Variants in NVL observed in about 807,000 individuals in gnomAD.
NVL encodes the protein nuclear valosin-containing protein-like.
A neutral mutation model predicts 110.2 loss-of-function variants in NVL; 84 were observed. The observed-to-expected ratio is 0.76, with a 90% CI of 0.64 to 0.91. The LOEUF is 0.91. Among genes scored for constraint, NVL ranks in the 40% least tolerant of loss-of-function variants. The pLI, the probability that NVL is intolerant of heterozygous loss-of-function variation, is 0.00. For synonymous variants in NVL, 354 were observed against 361.1 expected, an observed-to-expected ratio of 0.98 and a Z score of 0.22; for missense variants, 882 against 1,035.9, an observed-to-expected ratio of 0.85 and a Z score of 2.04.
chr1:224,282,555 G>A (rs1234599310), intron 15 of NVL, among the ~76,000 whole-genome samples: 1 of 152,192 alleles, frequency 6.6e-6, no homozygotes, highest in Non-Finnish European at 1.5e-5. Context: ...ATGTGTAGAA[G>A]AGTCTAAGAA....
chr1:224,238,914 CT>C (rs1171505146), intron 19 of NVL, among the ~76,000 whole-genome samples: 1 of 152,184 alleles, frequency 6.6e-6, no homozygotes. Context: ...TGTATCACCC[CT>C]ATCCGGCTCC....
chr1:224,292,893 G>A (rs2102647224), intron 12 of NVL, among the ~76,000 whole-genome samples: 1 of 152,030 alleles, frequency 6.6e-6, no homozygotes, highest in African/African-American at 2.4e-5. Flanking sequence ...TGGGATTACA[G>A]GCATGCACCA....
intron 15 of NVL, among the ~76,000 whole-genome samples, chr1:224,281,474 A>G (rs1375435559): frequency 2.0e-5 from 3 of 151,078 alleles, no homozygotes; most frequent in Non-Finnish European, 3.0e-5. Flanking sequence ...CTAATTTTTT[A>G]TATTTTTAGT....
chr1:224,292,837 A>G (rs2102646980), intron 12 of NVL, among the ~76,000 whole-genome samples: 1 of 150,532 alleles, frequency 6.6e-6, no homozygotes, highest in East Asian at 2.0e-4. Flanking sequence ...TACAACCTCC[A>G]CTTCCCAGGT....
At chr1:224,295,705 C>T (rs1224314468) in intron 11 of NVL, among the ~76,000 whole-genome samples, 1 of 150,814 alleles carries the variant, frequency 6.6e-6, no homozygotes, top group East Asian at 2.0e-4. Context: ...CACCCAGGCA[C>T]AGTGGCTCAC....
intron 1 of NVL, among the ~76,000 whole-genome samples, chr1:224,327,273 T>A (rs1671237883): frequency 6.6e-6 from 1 of 152,014 alleles, no homozygotes; most frequent in Non-Finnish European, 1.5e-5. Flanking sequence ...TAAGATCTCA[T>A]CTCTACAAAA....
chr1:224,245,846 G>A (rs1029931132), intron 19 of NVL, among the ~76,000 whole-genome samples: 3 of 151,916 alleles, frequency 2.0e-5, no homozygotes, highest in African/African-American at 4.8e-5. Flanking sequence ...CCAGCTACTC[G>A]GGAGGTGGGA....
At chr1:224,265,430 G>C (rs907357127) in intron 18 of NVL, among the ~76,000 whole-genome samples, 7 of 152,076 alleles carry the variant, frequency 4.6e-5, no homozygotes, top group African/African-American at 1.4e-4. Flanking sequence ...TTTGAACCCA[G>C]GAGGCAGAGG....
chr1:224,257,085 A>G (rs761163392), intron 18 of NVL: 2 of 532,988 alleles, frequency 3.8e-6, no homozygotes, highest in East Asian at 1.1e-4. Flanking sequence ...ACTTTGGGAA[A>G]TCTGGGAAGA....
At chr1:224,275,761 C>A (rs1248506288) in intron 16 of NVL, among the ~76,000 whole-genome samples, 1 of 152,156 alleles carries the variant, frequency 6.6e-6, no homozygotes, top group Non-Finnish European at 1.5e-5. Context: ...CACCAAAATT[C>A]AATTGCACTT....
rs375380115 is a variant in NVL, at chr1:224,268,184, A to T, written c.2083-51T>A. 3 of 1,248,464 alleles carry T rather than the reference A, an allele frequency of 2.4e-6. No individual in the cohort carries two copies. The African/African-American group carries it at 4.5e-5, about 19-fold the overall frequency. 77.3% of individuals were successfully genotyped at this position (1,248,464 alleles called of 1,614,324 possible). ...TCAGCTCTCAATACAAAGGAAAAAT[A>T]CCCATTTTCTTCCACATAAAAATAA... On this transcript the variant is annotated intron_variant, in intron 17 of 22. Coordinates refer to ENST00000281701, the MANE Select transcript of NVL (RefSeq NM_002533.4).
chr1:224,325,008 C>T (rs1331741571), intron 2 of NVL, among the ~76,000 whole-genome samples: 3 of 152,110 alleles, frequency 2.0e-5, no homozygotes, highest in Non-Finnish European at 4.4e-5. Context: ...CACCTATAAC[C>T]CCAGCACTTT....
chr1:224,318,943 C>T (rs978704462), intron 2 of NVL, among the ~76,000 whole-genome samples: 5 of 149,966 alleles, frequency 3.3e-5, no homozygotes, highest in African/African-American at 9.8e-5. Flanking sequence ...GAGCCAAGAT[C>T]GTGCCACTGC....
chr1:224,275,516 A>C, intron 16 of NVL, 58 bp from the exon 17 acceptor site: 1 of 1,605,620 alleles, frequency 6.2e-7, no homozygotes, highest in East Asian at 2.2e-5. Flanking sequence ...GGTTTGGGTC[A>C]AATGATACTA....
rs766307554 is a variant in NVL at position 224,275,433 on chromosome 1, A to C, written c.1988T>G (p.Val663Gly). Reference protein sequence around the residue: ...NMYVGESERAVRQVFQRAKNS... With the variant: ...NMYVGESERAGRQVFQRAKNS... ...CTTGGCTCGTTGAAAAACTTGTCGC[A>C]CAGCACGTTCACTCTCACCAACATA... is the stretch of plus-strand genomic sequence containing the variant. The change falls in exon 17 of 23, where the codon GTG (valine) becomes GGG (glycine). Residue 663 changes from valine (V) to glycine (G), a missense_variant. By Grantham distance (109) the Val-to-Gly change is moderately radical. Transcript: ENST00000281701. 6.2e-7 allele frequency: 1 copy of C among 1,614,182 alleles called. No homozygotes were observed. The highest frequency in any genetic ancestry group is 8.5e-7 in the Non-Finnish European group (1 of 1,180,028).
At chr1:224,279,653 T>C (rs1438500697) in intron 16 of NVL, among the ~76,000 whole-genome samples, 1 of 152,186 alleles carries the variant, frequency 6.6e-6, no homozygotes, top group Non-Finnish European at 1.5e-5. Flanking sequence ...TCTTGCTTCA[T>C]CTATACTCCT....
chr1:224,293,946 A>G (rs73130448), intron 12 of NVL, among the ~76,000 whole-genome samples: 23,649 of 152,134 alleles, frequency 0.16, 3,736 homozygotes, highest in African/African-American at 0.41. Flanking sequence ...CTCCTGAGTA[A>G]CTAGGACTAC....
chr1:224,296,456 T>TA (rs1389995891), intron 11 of NVL, 45 bp downstream of exon 11: 5 of 1,032,526 alleles, frequency 4.8e-6, no homozygotes, highest in Middle Eastern at 3.0e-4. Flanking sequence ...TACACTATTT[T>TA]AAAAAATTTA....
intron 15 of NVL, 89 bp from the exon 16 acceptor site, chr1:224,281,274 A>C (rs1188320883): frequency 2.2e-6 from 2 of 921,826 alleles, no homozygotes; most frequent in Non-Finnish European, 3.3e-6. Context: ...CAATGAAAGG[A>C]CTCTGTGTGC....
Sources: gnomAD v4.1 joint callset for allele counts (sites outside exome capture counted in the v4.1 genomes callset) on GRCh38, gnomAD v4.1.1 for gene constraint, MANE v1.5 for transcripts, NCBI Gene and HGNC (gene_info 2026-07-23, HGNC 2026-07-21) for gene names.